RBMS3: variants seen among roughly 807,000 people sequenced by gnomAD.
RBMS3 encodes RNA-binding motif, single-stranded-interacting protein 3.
In RBMS3, 27 loss-of-function variants were observed where a neutral mutation model predicts 66.8. The ratio of observed to expected loss-of-function variants is 0.40; its 90% CI spans 0.30 to 0.56. The LOEUF is 0.56. RBMS3 is among the 20% of genes least tolerant of loss of function. The pLI is 0.40. For missense variants in RBMS3, 513 were observed against 549.5 expected, an observed-to-expected ratio of 0.93 and a Z score of 0.66; for synonymous variants, 188 against 183.0, an observed-to-expected ratio of 1.03 and a Z score of -0.22.
At chr3:29,391,826 T>C (rs1050909260) in intron 1 of RBMS3, among the ~76,000 whole-genome samples, 1 of 152,206 alleles carries the variant, frequency 6.6e-6, no homozygotes, top group Non-Finnish European at 1.5e-5. Context: ...AAAAATATGA[T>C]TATTTTTGTA....
At chr3:29,987,866 T>C (rs747535765) in intron 12 of RBMS3, among the ~76,000 whole-genome samples, 1 of 152,170 alleles carries the variant, frequency 6.6e-6, no homozygotes, top group African/African-American at 2.4e-5. Context: ...TTTGAGATCT[T>C]ATTTAGAATA....
At chr3:29,763,119 CA>C (rs2055769222) in intron 6 of RBMS3, 130 bp downstream of exon 6, 1 of 599,258 alleles carries the variant, frequency 1.7e-6, no homozygotes, top group East Asian at 3.1e-5. Context: ...TGTGTATTTT[CA>C]AATAATACTG....
chr3:29,599,168 T>C (rs1264709229), intron 4 of RBMS3, among the ~76,000 whole-genome samples: 3 of 151,174 alleles, frequency 2.0e-5, no homozygotes, highest in African/African-American at 7.3e-5. Flanking sequence ...TTTTTTTTTT[T>C]GGTAAAGCTA....
chr3:29,699,229 C>T (rs907535887), intron 4 of RBMS3, among the ~76,000 whole-genome samples: 2 of 152,162 alleles, frequency 1.3e-5, no homozygotes, highest in Non-Finnish European at 2.9e-5. Context: ...CAGCTCACTG[C>T]AACTCCGCTT....
At chr3:29,557,004 G>A (rs1293814814) in intron 3 of RBMS3, among the ~76,000 whole-genome samples, 2 of 152,162 alleles carry the variant, frequency 1.3e-5, no homozygotes, top group African/African-American at 2.4e-5. Context: ...GTTTGAAAGT[G>A]TACCCTTGCT....
chr3:29,980,146 A>G (rs1697886712), intron 12 of RBMS3, among the ~76,000 whole-genome samples: 1 of 152,186 alleles, frequency 6.6e-6, no homozygotes, highest in South Asian at 2.1e-4. Context: ...GTGAGATGGT[A>G]TGTCACTGTG....
chr3:29,755,290 G>T (rs1485117798), intron 5 of RBMS3, among the ~76,000 whole-genome samples: 1 of 152,156 alleles, frequency 6.6e-6, no homozygotes, highest in Non-Finnish European at 1.5e-5. Flanking sequence ...GGGATAATCA[G>T]GTAATCCAAG....
At chr3:29,651,738 A>G (rs888165974) in intron 4 of RBMS3, among the ~76,000 whole-genome samples, 2 of 152,156 alleles carry the variant, frequency 1.3e-5, no homozygotes, top group Non-Finnish European at 2.9e-5. Context: ...TATTACTACA[A>G]CTTAGTTTCT....
At position 29,952,211 on chromosome 3, in the gene RBMS3, A is replaced by C. The variant is rs151156476; in HGVS notation, c.1098+7957A>C. Among the ~76,000 whole-genome samples, 66 of 151,968 alleles carry C rather than the reference A, an allele frequency of 4.3e-4. No homozygotes were observed. The East Asian group carries it at 0.011, about 24-fold the overall frequency. ...ACTCATCACATCTCAACGTTATGGC[A>C]TTTAGAGCAAGATTAAAAGAGACAT... On this transcript the variant is annotated intron_variant, in intron 12 of 14. Transcript: ENST00000383767.
intron 1 of RBMS3, among the ~76,000 whole-genome samples, chr3:29,292,128 A>C (rs188401598): frequency 4.9e-4 from 75 of 151,858 alleles, no homozygotes; most frequent in Non-Finnish European, 9.9e-4. Context: ...TTTTCTTCCC[A>C]GCCCTCTAGA....
At chr3:29,379,793 G>A (rs929744922) in intron 1 of RBMS3, among the ~76,000 whole-genome samples, 2 of 152,150 alleles carry the variant, frequency 1.3e-5, no homozygotes, top group Non-Finnish European at 2.9e-5. Context: ...ATTTATCAGC[G>A]AAGACGACAG....
At chr3:29,401,665 G>A (rs2039816129) in intron 1 of RBMS3, among the ~76,000 whole-genome samples, 1 of 152,068 alleles carries the variant, frequency 6.6e-6, no homozygotes, top group South Asian at 2.1e-4. Flanking sequence ...GAATGACATA[G>A]GTGGGAACTT....
intron 12 of RBMS3, among the ~76,000 whole-genome samples, chr3:29,981,714 ATG>A (rs1698009370): frequency 6.6e-6 from 1 of 151,898 alleles, no homozygotes; most frequent in Non-Finnish European, 1.5e-5. Context: ...GGTCCTGTTT[ATG>A]TGATGGACTA....
At chr3:29,764,874 G>A (rs2055857175) in intron 6 of RBMS3, among the ~76,000 whole-genome samples, 1 of 151,868 alleles carries the variant, frequency 6.6e-6, no homozygotes, top group Admixed American at 6.6e-5. Context: ...CAGGAACTTG[G>A]TTATGAGTTT....
At chr3:29,467,124 G>C (rs868231644) in intron 2 of RBMS3, among the ~76,000 whole-genome samples, 1 of 151,736 alleles carries the variant, frequency 6.6e-6, no homozygotes, top group African/African-American at 2.4e-5. Flanking sequence ...TGAACATTTT[G>C]CCAAATTCCC....
chr3:29,564,259 C>T (rs1311484868), intron 3 of RBMS3, among the ~76,000 whole-genome samples: 1 of 151,798 alleles, frequency 6.6e-6, no homozygotes, highest in East Asian at 1.9e-4. Flanking sequence ...GGTGGATCAC[C>T]TGAGGTCAGG....
intron 3 of RBMS3, among the ~76,000 whole-genome samples, chr3:29,499,955 TGTG>T (rs2043902521): frequency 6.6e-6 from 1 of 152,138 alleles, no homozygotes; most frequent in African/African-American, 2.4e-5. Context: ...AATGAAATCA[TGTG>T]GTGAAATTCC....
intron 4 of RBMS3, among the ~76,000 whole-genome samples, chr3:29,732,984 A>G (rs539695565): frequency 6.6e-6 from 1 of 152,052 alleles, no homozygotes; most frequent in East Asian, 1.9e-4. Flanking sequence ...TCTCATTTGT[A>G]TTTTTTGGAA....
chr3:29,500,773 C>T (rs977802247), intron 3 of RBMS3, among the ~76,000 whole-genome samples: 2 of 151,968 alleles, frequency 1.3e-5, no homozygotes, highest in African/African-American at 4.8e-5. Context: ...ACACATTTCT[C>T]AGAATGTATT....
Sources: allele counts gnomAD v4.1 joint callset (sites outside exome capture counted in the v4.1 genomes callset), GRCh38; gene constraint gnomAD v4.1.1; transcripts MANE v1.5; gene names NCBI Gene and HGNC (gene_info 2026-07-23, HGNC 2026-07-21).